Variants in DGKG observed in about 807,000 individuals in gnomAD.
DGKG encodes the protein diacylglycerol kinase gamma.
Under a neutral mutation model 105.3 loss-of-function variants are expected in DGKG, and 78 were observed. The ratio of observed to expected loss-of-function variants is 0.74; its 90% CI spans 0.62 to 0.89. The LOEUF (loss-of-function observed/expected upper bound fraction) is 0.89, where lower values mean the gene tolerates loss of function less well. Ranked by LOEUF, DGKG falls within the 40% of genes least tolerant of loss-of-function variation. The pLI, the probability that DGKG is intolerant of heterozygous loss-of-function variation, is 0.00. For missense variants in DGKG, 958 were observed against 1,020.1 expected (o/e 0.94, Z 0.83); for synonymous variants, 346 against 367.1 (o/e 0.94, Z 0.66).
At chr3:186,225,289 A>G (rs574873027) in intron 20 of DGKG, among the ~76,000 whole-genome samples, 1 of 152,080 alleles carries the variant, frequency 6.6e-6, no homozygotes, top group African/African-American at 2.4e-5. Context: ...TTTTAATGAC[A>G]TCTAGGAACC....
At chr3:186,254,370 G>T (rs1310489599) in intron 17 of DGKG, among the ~76,000 whole-genome samples, 1 of 152,134 alleles carries the variant, frequency 6.6e-6, no homozygotes, top group Non-Finnish European at 1.5e-5. Flanking sequence ...CCACTGGAAG[G>T]CTTGAGATAG....
At position 186,275,673 on chromosome 3, in the gene DGKG, G is replaced by A. The variant is rs748995880; in HGVS notation, c.793-9C>T. The A allele has an allele frequency of 3.7e-6, 6 of 1,609,194 alleles. No individual in the cohort carries two copies. The East Asian group carries it at 6.7e-5, about 18-fold the overall frequency. ...CCATCCCCCTTGGAGCCCTGCAGGGGTAATAGGAGGTGAGACCCCAAGCTG... is the reference window on the plus strand; with the variant it reads ...CCATCCCCCTTGGAGCCCTGCAGGGATAATAGGAGGTGAGACCCCAAGCTG... On this transcript the variant is annotated splice_polypyrimidine_tract_variant and intron_variant, in intron 9 of 24. Transcript: ENST00000265022.
At chr3:186,274,711 G>A (rs1380811214) in intron 10 of DGKG, among the ~76,000 whole-genome samples, 14 of 151,992 alleles carry the variant, frequency 9.2e-5, no homozygotes, top group Non-Finnish European at 1.9e-4. Flanking sequence ...TACAAAGGAC[G>A]TGAACTCATC....
intron 21 of DGKG, among the ~76,000 whole-genome samples, chr3:186,191,132 C>T (rs1717887518): frequency 6.6e-6 from 1 of 152,166 alleles, no homozygotes; most frequent in South Asian, 2.1e-4. Context: ...ATCCAGGTCT[C>T]CAGACCTCAA....
Position 186,260,360 on chromosome 3 carries a change from A to C in DGKG, c.1424+79T>G. On this transcript the variant is annotated intron_variant, in intron 16 of 24. Coordinates refer to ENST00000265022, the MANE Select transcript of DGKG (RefSeq NM_001346.3). ...ACAAGTTGAGAGACGAAAGAAAAAA[A>C]AGGTGACAAAAGAGGCATCTTCATT... 3.9e-6 allele frequency: 4 copies of C among 1,028,634 alleles called. No individual in the cohort carries two copies. In the South Asian group the frequency reaches 5.5e-5, roughly 14 times the overall value. The allele number at this position is 1,028,634 out of a possible 1,614,324, so 63.7% of individuals were successfully genotyped here.
chr3:186,232,883 A>C (rs1396145585), intron 20 of DGKG, among the ~76,000 whole-genome samples: 1 of 152,202 alleles, frequency 6.6e-6, no homozygotes, highest in East Asian at 1.9e-4. Flanking sequence ...GAATCATCTA[A>C]CATGGTTATT....
chr3:186,250,629 A>C (rs748695352), intron 19 of DGKG, among the ~76,000 whole-genome samples: 4 of 128,502 alleles, frequency 3.1e-5, no homozygotes, highest in African/African-American at 2.9e-5. Flanking sequence ...GGCTCATTGC[A>C]ACCTCTTCCT....
At chr3:186,343,198 C>A (rs1269127569) in intron 1 of DGKG, among the ~76,000 whole-genome samples, 5 of 152,196 alleles carry the variant, frequency 3.3e-5, no homozygotes, top group African/African-American at 4.8e-5. Flanking sequence ...ATGGAGGCTA[C>A]TGAACCACTT....
At chr3:186,189,134 C>A (rs769364780) in intron 21 of DGKG, among the ~76,000 whole-genome samples, 2 of 152,188 alleles carry the variant, frequency 1.3e-5, no homozygotes, top group Non-Finnish European at 2.9e-5. Context: ...ATTTTGCCCC[C>A]TCCTATTTTA....
rs1423997592 is a variant in DGKG at position 186,226,559 on chromosome 3, A to C, written c.1827-14674T>G. Among the ~76,000 whole-genome samples, 1 of 152,184 alleles carries C rather than the reference A, an allele frequency of 6.6e-6. No homozygotes were observed. Among genetic ancestry groups the C allele is most frequent in the East Asian group, 1.9e-4 (1 of 5,190 alleles). ...CAACACTCTGTTGAGAGCTCCAATAAAAGTTTCACTGAGATCAACAGTTTG... is the reference window on the plus strand; with the variant it reads ...CAACACTCTGTTGAGAGCTCCAATACAAGTTTCACTGAGATCAACAGTTTG... On this transcript the variant is annotated intron_variant, in intron 20 of 24. Transcript: ENST00000265022. The surrounding 1 kb of genome is among the most constrained non-coding windows in gnomAD (Gnocchi z 4.2).
At chr3:186,315,264 A>T (rs975189299) in intron 2 of DGKG, among the ~76,000 whole-genome samples, 1 of 152,168 alleles carries the variant, frequency 6.6e-6, no homozygotes, top group African/African-American at 2.4e-5. Flanking sequence ...CACTTTAAAG[A>T]CTTCCTATAA....
chr3:186,288,912 C>T lies in DGKG; in HGVS notation c.374-32G>A, dbSNP rs774401802. ...TGAACAAAAGGAAAACATCCAAGGA[C>T]ATTTTCTGTTTAGTAAATATTAACC... On this transcript the variant is annotated intron_variant, in intron 5 of 24. Transcript: ENST00000265022. The T allele has an allele frequency of 1.1e-5, 16 of 1,514,928 alleles. No homozygotes were observed. In the Admixed American group the frequency reaches 1.1e-4, roughly 11 times the overall value. 93.8% of individuals were successfully genotyped at this position (1,514,928 alleles called of 1,614,324 possible).
rs545663860 is a variant in DGKG at position 186,307,119 on chromosome 3, C to A, written c.68-142G>T. On this transcript the variant is annotated intron_variant, in intron 2 of 24. Transcript: ENST00000265022. ...TCTGGAGAAATGTCACCCTCTTCTA[C>A]CCTTTGTCCTCTCACTTCTTCTTTT... 1.6e-5 allele frequency: 10 copies of A among 634,442 alleles called. 1 individual carries two copies. Among genetic ancestry groups the A allele is most frequent in the Middle Eastern group, 2.5e-4 (1 of 3,940 alleles). The allele number at this position is 634,442 out of a possible 1,614,324, so 39.3% of individuals were successfully genotyped here.
At chr3:186,233,059 C>T (rs1578700574) in intron 20 of DGKG, among the ~76,000 whole-genome samples, 1 of 152,188 alleles carries the variant, frequency 6.6e-6, no homozygotes, top group Admixed American at 6.5e-5. Context: ...AAGATGTCCA[C>T]GTTCTGATCC....
chr3:186,155,664 AG>A (rs1412901541), intron 24 of DGKG, among the ~76,000 whole-genome samples: 5 of 152,358 alleles, frequency 3.3e-5, no homozygotes, highest in African/African-American at 1.2e-4. Flanking sequence ...AATTTTTAAA[AG>A]TGAAAGTAAA....
intron 2 of DGKG, among the ~76,000 whole-genome samples, chr3:186,314,653 C>G (rs1724728351): frequency 6.6e-6 from 1 of 150,804 alleles, no homozygotes; most frequent in Non-Finnish European, 1.5e-5. Flanking sequence ...ACTTGGGAGA[C>G]TGAGGCAGGA....
intron 24 of DGKG, among the ~76,000 whole-genome samples, chr3:186,150,519 C>T (rs1345303764): frequency 1.3e-5 from 2 of 152,180 alleles, no homozygotes; most frequent in African/African-American, 4.8e-5. Flanking sequence ...ATCGACCCCT[C>T]TGCAGGAGCC....
intron 21 of DGKG, among the ~76,000 whole-genome samples, chr3:186,190,156 T>G (rs889862172): frequency 1.3e-5 from 2 of 152,194 alleles, no homozygotes; most frequent in East Asian, 3.8e-4. Flanking sequence ...TACACAGATT[T>G]AAGGGCAGGT....
At chr3:186,257,681 CT>C (rs34393958) in intron 17 of DGKG, 172 bp downstream of exon 17, 79,378 of 455,602 alleles carry the variant, frequency 0.17, 1,377 homozygotes, top group African/African-American at 0.26. Context: ...TGTCTTATTT[CT>C]TTTTTTTTTT....
Sources: gnomAD v4.1 joint callset for allele counts (sites outside exome capture counted in the v4.1 genomes callset) on GRCh38, gnomAD v4.1.1 for gene constraint, Gnocchi (gnomAD v3.1) non-coding constraint, MANE v1.5 for transcripts, NCBI Gene and HGNC (gene_info 2026-07-23, HGNC 2026-07-21) for gene names.